The following FMN2 variants were observed in gnomAD, a reference collection of about 807,000 sequenced individuals.
The protein encoded by FMN2 is formin-2.
In FMN2, 51 loss-of-function variants were observed where a neutral mutation model predicts 142.3. The observed-to-expected ratio is 0.36, with a 90% CI of 0.29 to 0.45. The LOEUF (loss-of-function observed/expected upper bound fraction) is 0.45, where lower values mean the gene tolerates loss of function less well. Ranked by LOEUF, FMN2 falls within the 20% of genes least tolerant of loss-of-function variation. FMN2 has a pLI of 1.00. For synonymous variants in FMN2, 882 were observed against 869.8 expected (o/e 1.01, Z -0.25); for missense variants, 1,936 against 2,122.8 (o/e 0.91, Z 1.73).
At position 240,108,665 on chromosome 1, in the gene FMN2, C is replaced by T. The variant is rs549580817; in HGVS notation, c.1616-14514C>T. On this transcript the variant is annotated intron_variant, in intron 1 of 17. Coordinates refer to ENST00000319653, the MANE Select transcript of FMN2 (RefSeq NM_020066.5). ...TCTCATTTTGCATAAGATATAGTGG[C>T]CTGGAAGAAACAGAAACCTGTGTTG... 1.4e-4 allele frequency among the ~76,000 whole-genome samples: 21 copies of T among 152,244 alleles called. No homozygotes were observed. The South Asian group carries it at 2.5e-3, about 18-fold the overall frequency.
intron 7 of FMN2, among the ~76,000 whole-genome samples, chr1:240,275,080 G>GTT (rs202193888): frequency 2.8e-5 from 4 of 141,102 alleles, no homozygotes; most frequent in African/African-American, 5.3e-5. Context: ...TTTTTTTTAA[G>GTT]TTTTTTTTTT....
chr1:240,431,485 C>A (rs1301553940), intron 15 of FMN2, among the ~76,000 whole-genome samples: 41 of 149,742 alleles, frequency 2.7e-4, no homozygotes, highest in Non-Finnish European at 3.0e-5. Context: ...CCTCTATTGA[C>A]TGGCTAGAGA....
intron 4 of FMN2, 83 bp from the exon 5 acceptor site, chr1:240,206,716 C>A: frequency 6.9e-7 from 1 of 1,445,900 alleles, no homozygotes; most frequent in Non-Finnish European, 9.3e-7. Flanking sequence ...TGACAACAAA[C>A]AGATATAATT....
At chr1:240,356,994 A>G (rs928486703) in intron 14 of FMN2, among the ~76,000 whole-genome samples, 6 of 152,242 alleles carry the variant, frequency 3.9e-5, no homozygotes, top group African/African-American at 1.4e-4. Flanking sequence ...AAATCTACTC[A>G]TTGATTCTTA....
intron 13 of FMN2, among the ~76,000 whole-genome samples, chr1:240,339,444 T>A (rs549362126): frequency 6.1e-4 from 93 of 152,250 alleles, no homozygotes; most frequent in Non-Finnish European, 1.2e-3. Flanking sequence ...TACCATCTGC[T>A]GCTCCAAGCA....
At chr1:240,361,111 A>C (rs1047226758) in intron 14 of FMN2, among the ~76,000 whole-genome samples, 1 of 142,948 alleles carries the variant, frequency 7.0e-6, no homozygotes, top group African/African-American at 2.6e-5. Context: ...CCTAGAACTT[A>C]AAGTATAATA....
At chr1:240,280,553 A>AACTC (rs1386654330) in intron 7 of FMN2, among the ~76,000 whole-genome samples, 2 of 152,150 alleles carry the variant, frequency 1.3e-5, no homozygotes, top group African/African-American at 2.4e-5. Context: ...TTTCCAGGGG[A>AACTC]ACTCACTAAG....
intron 16 of FMN2, among the ~76,000 whole-genome samples, chr1:240,461,869 G>T (rs1167147415): frequency 6.6e-6 from 1 of 152,114 alleles, no homozygotes; most frequent in African/African-American, 2.4e-5. Flanking sequence ...CACTGTCTCT[G>T]CACACCACTG....
chr1:240,284,329 A>G (rs1669511591), intron 7 of FMN2, among the ~76,000 whole-genome samples: 1 of 152,136 alleles, frequency 6.6e-6, no homozygotes, highest in Admixed American at 6.6e-5. Flanking sequence ...ATATGAGCCA[A>G]TCTTTTAAGC....
chr1:240,183,562 TAC>T (rs961385713), intron 3 of FMN2, among the ~76,000 whole-genome samples: 23 of 150,894 alleles, frequency 1.5e-4, no homozygotes, highest in African/African-American at 5.1e-4. Context: ...CATGTATATA[TAC>T]ACACACACAT....
At position 240,472,435 on chromosome 1, in the gene FMN2, A is replaced by G; in HGVS notation, c.5124A>G (p.Pro1708=). The G allele has an allele frequency of 2.5e-6, 4 of 1,608,846 alleles. No individual in the cohort carries two copies. The highest frequency in any genetic ancestry group is 3.4e-6 in the Non-Finnish European group (4 of 1,177,676). Residue 1708 remains proline (P), a synonymous_variant, in exon 17 of 18, where the codon CCA becomes CCG. Transcript: ENST00000319653. ...GAAAATCACTTTATAAAATAAAACCAAGACATGACTCTGGAATTGTAAGTA... is the reference window on the plus strand; with the variant it reads ...GAAAATCACTTTATAAAATAAAACCGAGACATGACTCTGGAATTGTAAGTA... ...KKGKSLYKIK[P]RHDSGIKAKI...
rs1031692046 is a variant in FMN2, at chr1:240,211,106, A to C, written c.3936A>C (p.Ser1312=). The change falls in exon 6 of 18, where the codon TCA becomes TCC. Residue 1312 remains serine (S), a synonymous_variant. Coordinates refer to ENST00000319653, the MANE Select transcript of FMN2 (RefSeq NM_020066.5). ...TTAATTTTAGAGACTCCAGTACTTC[A>C]CTTATTTGGGAAAAAATTGAAGAGC... ...QLHSKRDSST[S]LIWEKIEEPS... The C allele has an allele frequency of 6.2e-7, 1 of 1,611,822 alleles. No homozygotes were observed. The highest frequency in any genetic ancestry group is 8.5e-7 in the Non-Finnish European group (1 of 1,179,712).
At chr1:240,389,728 G>A (rs879265186) in intron 14 of FMN2, among the ~76,000 whole-genome samples, 1 of 152,118 alleles carries the variant, frequency 6.6e-6, no homozygotes, top group African/African-American at 2.4e-5. Context: ...GAGACGGAAG[G>A]ATTGCTTGAG....
chr1:240,474,342 G>T lies in FMN2; in HGVS notation c.*188G>T. The T allele has an allele frequency of 1.9e-6, 1 of 537,542 alleles. No homozygotes were observed. The highest frequency in any genetic ancestry group is 3.2e-6 in the Non-Finnish European group (1 of 313,736). 33.3% of individuals were successfully genotyped at this position (537,542 alleles called of 1,614,324 possible). Reference sequence around the variant, plus strand: ...TGTATATTCATATAAAAATGCAAACGTACTAGACCAGTGGAGAATTTGACA... The same window carrying T: ...TGTATATTCATATAAAAATGCAAACTTACTAGACCAGTGGAGAATTTGACA... On this transcript the variant is annotated 3_prime_UTR_variant, in exon 18 of 18. Coordinates refer to ENST00000319653, the MANE Select transcript of FMN2 (RefSeq NM_020066.5).
At chr1:240,192,338 G>A (rs898427187) in intron 4 of FMN2, among the ~76,000 whole-genome samples, 4 of 152,180 alleles carry the variant, frequency 2.6e-5, no homozygotes, top group Admixed American at 1.3e-4. Context: ...TCAAAAGAAA[G>A]TGGAGTAAAA....
At chr1:240,292,147 C>T (rs889396311) in intron 7 of FMN2, among the ~76,000 whole-genome samples, 2 of 152,082 alleles carry the variant, frequency 1.3e-5, no homozygotes, top group African/African-American at 4.8e-5. Flanking sequence ...AAATAATATT[C>T]CCTTTGGAGG....
intron 2 of FMN2, among the ~76,000 whole-genome samples, chr1:240,152,584 A>T (rs369983126): frequency 1.8e-4 from 27 of 152,082 alleles, no homozygotes; most frequent in African/African-American, 6.3e-4. Context: ...TTGTTCCCAT[A>T]ATTGCTGGAG....
intron 16 of FMN2, among the ~76,000 whole-genome samples, chr1:240,438,486 G>C (rs181345797): frequency 1.3e-5 from 2 of 152,286 alleles, no homozygotes; most frequent in East Asian, 3.9e-4. Flanking sequence ...CCACGTAAAA[G>C]TGACCACGTA....
chr1:240,187,355 A>G (rs1572037357), intron 3 of FMN2, among the ~76,000 whole-genome samples: 2 of 151,780 alleles, frequency 1.3e-5, no homozygotes, highest in African/African-American at 2.4e-5. Context: ...TCTGGTCTGC[A>G]TGCCAGTCAG....
Sources: gnomAD v4.1 joint callset for allele counts (sites outside exome capture counted in the v4.1 genomes callset) on GRCh38, gnomAD v4.1.1 for gene constraint, MANE v1.5 for transcripts, NCBI Gene and HGNC (gene_info 2026-07-23, HGNC 2026-07-21) for gene names.